Variants in LPP observed in about 807,000 individuals in gnomAD.
LPP encodes lipoma-preferred partner.
A neutral mutation model predicts 60.4 loss-of-function variants in LPP; 38 were observed. That is an observed-to-expected ratio of 0.63 (90% confidence interval 0.49 to 0.83). LPP has a LOEUF of 0.83. LPP is among the 40% of genes least tolerant of loss of function. The probability of loss-of-function intolerance (pLI) is 0.00; values close to 1 mark genes in which losing one functional copy is unlikely to be tolerated. For synonymous variants in LPP, 328 were observed against 290.8 expected (o/e 1.13, Z -1.30); for missense variants, 902 against 783.6 (o/e 1.15, Z -1.80).
chr3:188,770,624 A>C (rs1293058105), intron 9 of LPP, among the ~76,000 whole-genome samples: 1 of 152,166 alleles, frequency 6.6e-6, no homozygotes, highest in Non-Finnish European at 1.5e-5. Context: ...TTAGAAGAAA[A>C]TGGACAGTGG....
rs78329585 is a variant in LPP at position 188,880,157 on chromosome 3, A to T, written c.*5678A>T. 0.041 allele frequency: 6,542 copies of T among 161,426 alleles called. 185 individuals carry two copies. The highest frequency in any genetic ancestry group is 0.063 in the Non-Finnish European group (4,679 of 73,902). 10.0% of individuals were successfully genotyped at this position (161,426 alleles called of 1,614,324 possible). A position where few individuals can be genotyped will look rare whatever the true frequency, so the allele number is the denominator to read the frequency against. ...GCCATTCTCCTGTCTCAGCCTCCCG[A>T]GTAGCTGGGACTACAGGCGCCTGCC... On this transcript the variant is annotated 3_prime_UTR_variant, in exon 12 of 12. Transcript: ENST00000617246.
intron 7 of LPP, among the ~76,000 whole-genome samples, chr3:188,641,494 A>G (rs1158642987): frequency 6.6e-6 from 1 of 152,150 alleles, no homozygotes; most frequent in African/African-American, 2.4e-5. Context: ...ACAAAATGAG[A>G]TATGTTATGT....
chr3:188,810,040 C>T (rs2151295340), intron 9 of LPP, among the ~76,000 whole-genome samples: 1 of 151,888 alleles, frequency 6.6e-6, no homozygotes, highest in Middle Eastern at 3.4e-3. Flanking sequence ...ATTGGTCTAT[C>T]AGTACTCTTA....
intron 9 of LPP, among the ~76,000 whole-genome samples, chr3:188,799,130 C>G (rs865941786): frequency 6.6e-6 from 1 of 152,360 alleles, no homozygotes; most frequent in Middle Eastern, 3.4e-3. Flanking sequence ...CAAGAACATT[C>G]CAATTCTACA....
intron 2 of LPP, among the ~76,000 whole-genome samples, chr3:188,316,455 A>G (rs1207578828): frequency 7.5e-6 from 1 of 134,038 alleles, no homozygotes; most frequent in East Asian, 2.1e-4. Flanking sequence ...AAAAAAAATA[A>G]GAATTGCTCA....
At chr3:188,733,290 CGTGTGTGT>C (rs10576864) in intron 8 of LPP, among the ~76,000 whole-genome samples, 6 of 147,182 alleles carry the variant, frequency 4.1e-5, no homozygotes, top group East Asian at 2.1e-4. Flanking sequence ...TCACCAAAAA[CGTGTGTGT>C]GTGTGTGTGT....
chr3:188,539,398 G>A (rs1353337010), intron 6 of LPP, among the ~76,000 whole-genome samples: 2 of 152,198 alleles, frequency 1.3e-5, no homozygotes, highest in African/African-American at 2.4e-5. Context: ...AAGGTGTTTG[G>A]TGGATAGGGA....
intron 6 of LPP, among the ~76,000 whole-genome samples, chr3:188,525,469 A>G (rs1477299103): frequency 6.6e-6 from 1 of 152,212 alleles, no homozygotes; most frequent in Non-Finnish European, 1.5e-5. Flanking sequence ...AGCTTTGTCT[A>G]TATGGATATT....
chr3:188,495,064 T>TTTTATATA (rs1430620373), intron 5 of LPP, among the ~76,000 whole-genome samples: 1 of 53,880 alleles, frequency 1.9e-5, no homozygotes, highest in African/African-American at 7.0e-5. Flanking sequence ...GTTCAGGATT[T>TTTTATATA]TATATATATA....
chr3:188,745,002 G>T (rs1234116577), intron 8 of LPP, among the ~76,000 whole-genome samples: 1 of 151,716 alleles, frequency 6.6e-6, no homozygotes, highest in African/African-American at 2.4e-5. Flanking sequence ...CTGCTTTTTA[G>T]GGAGAACAGG....
chr3:188,488,829 G>A (rs1579294638), intron 5 of LPP, among the ~76,000 whole-genome samples: 1 of 152,066 alleles, frequency 6.6e-6, no homozygotes, highest in Admixed American at 6.5e-5. Context: ...GGTAGAGATG[G>A]GGTTTCACTA....
intron 4 of LPP, among the ~76,000 whole-genome samples, chr3:188,461,949 A>C (rs541181310): frequency 6.6e-6 from 1 of 152,290 alleles, no homozygotes; most frequent in Non-Finnish European, 1.5e-5. Flanking sequence ...TGGAATTATT[A>C]GATCAAATGG....
At chr3:188,438,732 T>C (rs115180931) in intron 4 of LPP, among the ~76,000 whole-genome samples, 1,912 of 152,286 alleles carry the variant, frequency 0.013, 41 homozygotes, top group African/African-American at 0.043. Flanking sequence ...AGCCTTAATG[T>C]CACTATAACG....
intron 9 of LPP, among the ~76,000 whole-genome samples, chr3:188,769,751 T>C (rs1040113993): frequency 1.3e-5 from 2 of 152,116 alleles, no homozygotes; most frequent in Admixed American, 6.5e-5. Context: ...ACATGAAGGG[T>C]TTAAACATTT....
At chr3:188,488,826 A>G (rs1030432214) in intron 5 of LPP, among the ~76,000 whole-genome samples, 1 of 151,862 alleles carries the variant, frequency 6.6e-6, no homozygotes, top group African/African-American at 2.4e-5. Flanking sequence ...TTCGGTAGAG[A>G]TGGGGTTTCA....
At chr3:188,804,181 G>A (rs1282965166) in intron 9 of LPP, among the ~76,000 whole-genome samples, 1 of 130,086 alleles carries the variant, frequency 7.7e-6, no homozygotes, top group East Asian at 2.3e-4. Flanking sequence ...TATTCTAGTA[G>A]CTTTTTTTTT....
chr3:188,573,217 C>T (rs1184866179), intron 6 of LPP, among the ~76,000 whole-genome samples: 2 of 152,074 alleles, frequency 1.3e-5, no homozygotes, highest in African/African-American at 4.8e-5. Context: ...GTAGACCAAC[C>T]TGCACAGAAG....
chr3:188,835,459 A>C (rs1401769423), intron 9 of LPP, among the ~76,000 whole-genome samples: 1 of 151,862 alleles, frequency 6.6e-6, no homozygotes, highest in African/African-American at 2.4e-5. Flanking sequence ...AAAATACAAA[A>C]AAAAAAAAAA....
At position 188,802,201 on chromosome 3, in the gene LPP, A is replaced by G. The variant is rs1057166975; in HGVS notation, c.1410+41919A>G. 1.6e-4 allele frequency among the ~76,000 whole-genome samples: 25 copies of G among 152,326 alleles called. 1 individual carries two copies. Among genetic ancestry groups the G allele is most frequent in the African/African-American group, 5.8e-4 (24 of 41,572 alleles). On this transcript the variant is annotated intron_variant, in intron 9 of 11. Coordinates refer to ENST00000617246, the MANE Select transcript of LPP (RefSeq NM_001375462.1). The stretch of plus-strand genomic sequence containing the variant: ...TCTCTTGAATGCTTAGTTCTGTGTT[A>G]CTTAGGATCCATTCATAGAGCATAT...
Sources: gnomAD v4.1 joint callset for allele counts (sites outside exome capture counted in the v4.1 genomes callset) on GRCh38, gnomAD v4.1.1 for gene constraint, MANE v1.5 for transcripts, NCBI Gene and HGNC (gene_info 2026-07-23, HGNC 2026-07-21) for gene names.